The following PPARGC1A variants were observed in gnomAD, a reference collection of about 807,000 sequenced individuals.
The protein encoded by PPARGC1A is peroxisome proliferator-activated receptor gamma coactivator 1-alpha.
PPARGC1A carries 25 observed loss-of-function variants against 88.7 expected under a neutral mutation model. The ratio of observed to expected loss-of-function variants is 0.28; its 90% CI spans 0.21 to 0.39. The LOEUF is 0.39. Among genes scored for constraint, PPARGC1A ranks in the 10% least tolerant of loss-of-function variants. The probability of loss-of-function intolerance (pLI) is 1.00; values close to 1 mark genes in which losing one functional copy is unlikely to be tolerated. For missense variants in PPARGC1A, 880 were observed against 968.7 expected (o/e 0.91, Z 1.22); for synonymous variants, 363 against 355.6 (o/e 1.02, Z -0.24).
chr4:23,969,656 T>C, the PPARGC1A span, among the ~76,000 whole-genome samples: 1 of 152,204 alleles, frequency 6.6e-6, no homozygotes, highest in African/African-American at 2.4e-5. Flanking sequence ...CCCACGATGA[T>C]CTCAGCTGTC....
chr4:24,447,588 A>T, the PPARGC1A span, among the ~76,000 whole-genome samples: 1 of 152,204 alleles, frequency 6.6e-6, no homozygotes, highest in Admixed American at 6.5e-5. Context: ...CTCACCTTGG[A>T]GTCCATGATG....
chr4:24,434,484 T>C, the PPARGC1A span, among the ~76,000 whole-genome samples: 1 of 152,196 alleles, frequency 6.6e-6, no homozygotes, highest in Non-Finnish European at 1.5e-5. Context: ...GCTGTTATCT[T>C]CTGGCGGACT....
chr4:23,814,388 A>G lies in PPARGC1A; in HGVS notation c.1095T>C (p.Thr365=). The G allele has an allele frequency of 6.2e-7, 1 of 1,613,870 alleles. No homozygotes were observed. Among genetic ancestry groups the G allele is most frequent in the Non-Finnish European group, 8.5e-7 (1 of 1,179,980 alleles). ...TGGTCTTCCTTTCCTCGTGTCCACCAGTGAGGACTGAGGACTTGCTGAGTT... is the reference window on the plus strand; with the variant it reads ...TGGTCTTCCTTTCCTCGTGTCCACCGGTGAGGACTGAGGACTTGCTGAGTT... The part of the protein sequence containing the change: ...YAQLSKSSVL[T]GGHEERKTKR... Residue 365 remains threonine (T), a synonymous_variant, in exon 8 of 13, where the codon ACT becomes ACC. Coordinates refer to ENST00000264867, the MANE Select transcript of PPARGC1A (RefSeq NM_013261.5).
the PPARGC1A span, among the ~76,000 whole-genome samples, chr4:24,290,373 T>C: frequency 6.6e-6 from 1 of 152,158 alleles, no homozygotes. Flanking sequence ...TTTATACTTA[T>C]TTCTCCCTCC....
chr4:23,987,443 T>C, the PPARGC1A span, among the ~76,000 whole-genome samples: 2 of 152,036 alleles, frequency 1.3e-5, no homozygotes. Flanking sequence ...AAGCCCATCA[T>C]GCTTTCCTTG....
At chr4:24,311,381 G>C in the PPARGC1A span, among the ~76,000 whole-genome samples, 3 of 149,168 alleles carry the variant, frequency 2.0e-5, no homozygotes, top group Non-Finnish European at 4.5e-5. Flanking sequence ...GATTACAGGC[G>C]TGAGCCACCA....
the PPARGC1A span, among the ~76,000 whole-genome samples, chr4:24,262,820 A>G: frequency 6.6e-6 from 1 of 152,126 alleles, no homozygotes; most frequent in Non-Finnish European, 1.5e-5. Flanking sequence ...GTGCTGGGCA[A>G]GCGATGGCTG....
At chr4:24,196,567 G>C in the PPARGC1A span, among the ~76,000 whole-genome samples, 1 of 152,208 alleles carries the variant, frequency 6.6e-6, no homozygotes, top group East Asian at 1.9e-4. Flanking sequence ...CAGTGGAGAA[G>C]GCTGCAATGC....
In PPARGC1A at chr4:23,795,777, A is replaced by G. The variant is rs374586545; in HGVS notation, c.*45T>C. 1.7e-5 allele frequency: 25 copies of G among 1,437,580 alleles called. No homozygotes were observed. The highest frequency in any genetic ancestry group is 2.9e-5 in the African/African-American group (2 of 69,832). 89.1% of individuals were successfully genotyped at this position (1,437,580 alleles called of 1,614,324 possible). ...TCTTTAGGGAAGGACGCGCTGTCCC[A>G]TGAGGTATTCGCCATCCCTCTGTCA... On this transcript the variant is annotated 3_prime_UTR_variant, in exon 13 of 13. Coordinates refer to ENST00000264867, the MANE Select transcript of PPARGC1A (RefSeq NM_013261.5).
chr4:24,218,232 G>A, the PPARGC1A span, among the ~76,000 whole-genome samples: 3 of 152,164 alleles, frequency 2.0e-5, no homozygotes, highest in African/African-American at 7.2e-5. Flanking sequence ...GCTTGTCAAT[G>A]GAATAAATAA....
chr4:24,040,934 A>C, the PPARGC1A span, among the ~76,000 whole-genome samples: 3 of 152,196 alleles, frequency 2.0e-5, no homozygotes, highest in Non-Finnish European at 2.9e-5. Flanking sequence ...TAGAAGTAGA[A>C]GACTGAAAAC....
the PPARGC1A span, among the ~76,000 whole-genome samples, chr4:24,376,554 T>G: frequency 6.6e-6 from 1 of 152,296 alleles, no homozygotes; most frequent in African/African-American, 2.4e-5. Flanking sequence ...ATTTGGAAAA[T>G]AAAACGAATT....
At chr4:23,853,596 T>C (rs938090967) in intron 2 of PPARGC1A, among the ~76,000 whole-genome samples, 5 of 152,162 alleles carry the variant, frequency 3.3e-5, no homozygotes, top group African/African-American at 1.2e-4. Flanking sequence ...GGGATTTCTG[T>C]AGAAAATTCT....
At chr4:24,395,120 T>C in the PPARGC1A span, among the ~76,000 whole-genome samples, 32 of 152,284 alleles carry the variant, frequency 2.1e-4, no homozygotes, top group South Asian at 6.2e-4. Context: ...AATAACAAAC[T>C]TCCAAAACTT....
the PPARGC1A span, among the ~76,000 whole-genome samples, chr4:24,283,197 C>A: frequency 3.6e-3 from 554 of 152,266 alleles, 3 homozygotes; most frequent in African/African-American, 0.012. Flanking sequence ...TAACAACAGA[C>A]ATGATTGTTC....
At chr4:23,858,391 T>A (rs1186149222) in intron 2 of PPARGC1A, among the ~76,000 whole-genome samples, 1 of 152,212 alleles carries the variant, frequency 6.6e-6, no homozygotes, top group African/African-American at 2.4e-5. Context: ...AGGCAGGCAC[T>A]ATTTTACAAA....
chr4:24,356,102 C>G, the PPARGC1A span, among the ~76,000 whole-genome samples: 1 of 151,082 alleles, frequency 6.6e-6, no homozygotes, highest in Non-Finnish European at 1.5e-5. Flanking sequence ...GAGGCTGAGA[C>G]AGGAGAATCG....
chr4:24,470,267 G>GACAGAC, the PPARGC1A span, among the ~76,000 whole-genome samples: 7 of 85,520 alleles, frequency 8.2e-5, no homozygotes, highest in African/African-American at 8.2e-5. This position sits in a 1 kb window ranked among gnomAD's most constrained non-coding sequence, Gnocchi z 5.8. Context: ...CTGACTCATC[G>GACAGAC]ACAGACACAG....
the PPARGC1A span, among the ~76,000 whole-genome samples, chr4:24,253,115 C>G: frequency 1.3e-5 from 2 of 152,114 alleles, no homozygotes; most frequent in African/African-American, 2.4e-5. Context: ...GGTGTGAGAG[C>G]ATGCAGGAAA....
Sources: allele counts gnomAD v4.1 joint callset (sites outside exome capture counted in the v4.1 genomes callset), GRCh38; gene constraint gnomAD v4.1.1; non-coding constraint Gnocchi (gnomAD v3.1); transcripts MANE v1.5; gene names NCBI Gene and HGNC (gene_info 2026-07-23, HGNC 2026-07-21).